Variants in ERBB4 observed in about 807,000 individuals in gnomAD.
ERBB4 encodes the protein receptor tyrosine-protein kinase erbB-4.
ERBB4 carries 42 observed loss-of-function variants against 158.0 expected under a neutral mutation model. The observed-to-expected ratio is 0.27, with a 90% CI of 0.21 to 0.34. ERBB4 has a LOEUF of 0.34. Ranked by LOEUF, ERBB4 falls within the 10% of genes least tolerant of loss-of-function variation. The pLI, the probability that ERBB4 is intolerant of heterozygous loss-of-function variation, is 1.00. For synonymous variants in ERBB4, 583 were observed against 558.7 expected (o/e 1.04, Z -0.61); for missense variants, 1,333 against 1,624.1 (o/e 0.82, Z 3.08).
chr2:212,341,678 AT>A (rs2088721452), intron 1 of ERBB4, among the ~76,000 whole-genome samples: 1 of 152,182 alleles, frequency 6.6e-6, no homozygotes. Flanking sequence ...AATATAAGGC[AT>A]TTTGCAATTT....
chr2:212,351,588 G>A lies in ERBB4; in HGVS notation c.82+186861C>T, dbSNP rs138711857. Among the ~76,000 whole-genome samples, 8 of 152,154 alleles carry A rather than the reference G, an allele frequency of 5.3e-5. No individual in the cohort carries two copies. The East Asian group carries it at 1.5e-3, about 29-fold the overall frequency. On this transcript the variant is annotated intron_variant, in intron 1 of 27. Coordinates refer to ENST00000342788, the MANE Select transcript of ERBB4 (RefSeq NM_005235.3). Reference sequence around the variant, plus strand: ...AGTGCTGTGCAATATTTTGCCATTGGCTATGTGTAGCTGGGTAAATTCAGG... The same window carrying A: ...AGTGCTGTGCAATATTTTGCCATTGACTATGTGTAGCTGGGTAAATTCAGG...
At chr2:211,903,602 T>C (rs772941830) in intron 3 of ERBB4, among the ~76,000 whole-genome samples, 3 of 152,068 alleles carry the variant, frequency 2.0e-5, no homozygotes, top group Non-Finnish European at 2.9e-5. Flanking sequence ...ATGGTTTCTA[T>C]TGAAATGGGT....
intron 15 of ERBB4, among the ~76,000 whole-genome samples, chr2:211,659,686 TACTC>T (rs1415068667): frequency 1.3e-5 from 2 of 152,106 alleles, no homozygotes; most frequent in East Asian, 1.9e-4. Flanking sequence ...ATATGAAAGA[TACTC>T]ATTCATTAAA....
At chr2:211,685,623 C>T (rs1227890733) in intron 12 of ERBB4, among the ~76,000 whole-genome samples, 1 of 152,168 alleles carries the variant, frequency 6.6e-6, no homozygotes, top group East Asian at 1.9e-4. Context: ...CCTTTCCATA[C>T]AAATTGTATA....
At position 211,823,459 on chromosome 2, in the gene ERBB4, A is replaced by G. The variant is rs535974231; in HGVS notation, c.422-35300T>C. ...AATATAAAATATTCATTTTATATGTATCTTCATTTTAAAATAAAAATATAT... is the reference window on the plus strand; with the variant it reads ...AATATAAAATATTCATTTTATATGTGTCTTCATTTTAAAATAAAAATATAT... On this transcript the variant is annotated intron_variant, in intron 3 of 27. Coordinates refer to ENST00000342788, the MANE Select transcript of ERBB4 (RefSeq NM_005235.3). 1.8e-3 allele frequency among the ~76,000 whole-genome samples: 275 copies of G among 151,964 alleles called. 1 individual carries two copies. Among genetic ancestry groups the G allele is most frequent in the African/African-American group, 6.3e-3 (263 of 41,508 alleles).
At chr2:212,073,828 C>G (rs1306395545) in intron 2 of ERBB4, among the ~76,000 whole-genome samples, 1 of 151,976 alleles carries the variant, frequency 6.6e-6, no homozygotes, top group Non-Finnish European at 1.5e-5. Flanking sequence ...TTACATTCAA[C>G]AAGATTTATC....
intron 2 of ERBB4, among the ~76,000 whole-genome samples, chr2:211,969,533 T>C (rs1284145502): frequency 6.6e-6 from 1 of 152,078 alleles, no homozygotes; most frequent in East Asian, 1.9e-4. Flanking sequence ...GCAGAAGCTC[T>C]TTAAGTGTGG....
chr2:212,382,096 T>G (rs2106413546), intron 1 of ERBB4, among the ~76,000 whole-genome samples: 1 of 150,750 alleles, frequency 6.6e-6, no homozygotes, highest in South Asian at 2.1e-4. Flanking sequence ...TATAAATATA[T>G]ATTATTATAC....
chr2:212,371,559 G>A (rs1238473018), intron 1 of ERBB4, among the ~76,000 whole-genome samples: 1 of 152,172 alleles, frequency 6.6e-6, no homozygotes, highest in East Asian at 1.9e-4. Flanking sequence ...TATTTAGGAA[G>A]ACTTTCCTAT....
At chr2:212,051,389 G>T (rs1184486726) in intron 2 of ERBB4, among the ~76,000 whole-genome samples, 1 of 152,034 alleles carries the variant, frequency 6.6e-6, no homozygotes, top group South Asian at 2.1e-4. Context: ...TATCATTTGA[G>T]AGGTTTTATT....
At chr2:212,038,701 A>G (rs2077071413) in intron 2 of ERBB4, among the ~76,000 whole-genome samples, 1 of 152,166 alleles carries the variant, frequency 6.6e-6, no homozygotes, top group African/African-American at 2.4e-5. Context: ...TTAAAGTTAC[A>G]GAGGAGAAGG....
intron 16 of ERBB4, among the ~76,000 whole-genome samples, chr2:211,653,346 T>C (rs1442811677): frequency 6.6e-6 from 1 of 152,124 alleles, no homozygotes; most frequent in Non-Finnish European, 1.5e-5. Context: ...ATAATGTAAA[T>C]GAAGTGTGGA....
At chr2:211,614,892 A>T (rs1248428564) in intron 19 of ERBB4, among the ~76,000 whole-genome samples, 1 of 152,088 alleles carries the variant, frequency 6.6e-6, no homozygotes, top group African/African-American at 2.4e-5. Context: ...GTGTAAGATA[A>T]ATAAAATTTC....
intron 1 of ERBB4, among the ~76,000 whole-genome samples, chr2:212,155,485 TG>T: frequency 6.6e-6 from 1 of 152,208 alleles, no homozygotes; most frequent in East Asian, 1.9e-4. Flanking sequence ...ATATATTCTC[TG>T]GCCCCGCCCC....
chr2:211,504,925 C>G (rs1417171719), intron 20 of ERBB4, among the ~76,000 whole-genome samples: 1 of 151,968 alleles, frequency 6.6e-6, no homozygotes, highest in African/African-American at 2.4e-5. Context: ...TAAAAACAAG[C>G]AAAGCATTTG....
At chr2:211,904,806 T>C (rs1331688994) in intron 3 of ERBB4, among the ~76,000 whole-genome samples, 1 of 152,144 alleles carries the variant, frequency 6.6e-6, no homozygotes, top group African/African-American at 2.4e-5. Context: ...CACTCACTAG[T>C]ATATAATTAG....
At chr2:212,072,529 T>A (rs1388357247) in intron 2 of ERBB4, among the ~76,000 whole-genome samples, 1 of 151,976 alleles carries the variant, frequency 6.6e-6, no homozygotes. Flanking sequence ...AGCTCTGGGA[T>A]GAATTCCCTG....
intron 3 of ERBB4, among the ~76,000 whole-genome samples, chr2:211,910,428 C>T (rs1485765511): frequency 1.4e-5 from 2 of 145,532 alleles, no homozygotes; most frequent in African/African-American, 4.9e-5. Flanking sequence ...TAATGGCCTC[C>T]ACCAAAGGAG....
intron 1 of ERBB4, among the ~76,000 whole-genome samples, chr2:212,505,473 T>C (rs1024369014): frequency 8.0e-6 from 1 of 124,446 alleles, no homozygotes; most frequent in Non-Finnish European, 2.0e-5. Context: ...AAAAACTCTT[T>C]GTAAGCAGGA....
Sources: allele counts gnomAD v4.1 joint callset (sites outside exome capture counted in the v4.1 genomes callset), GRCh38; gene constraint gnomAD v4.1.1; transcripts MANE v1.5; gene names NCBI Gene and HGNC (gene_info 2026-07-23, HGNC 2026-07-21).